SIRT3: variants seen among roughly 807,000 people sequenced by gnomAD.
SIRT3 encodes the protein NAD-dependent protein deacetylase sirtuin-3, mitochondrial.
SIRT3 carries 26 observed loss-of-function variants against 33.5 expected under a neutral mutation model. That is an observed-to-expected ratio of 0.78 (90% confidence interval 0.57 to 1.08). The LOEUF (loss-of-function observed/expected upper bound fraction) is 1.08. Among genes scored for constraint, SIRT3 ranks in the 50% least tolerant of loss-of-function variants. SIRT3 has a pLI of 0.00. For synonymous variants in SIRT3, 237 were observed against 222.1 expected, an observed-to-expected ratio of 1.07 and a Z score of -0.60; for missense variants, 585 against 530.1, an observed-to-expected ratio of 1.10 and a Z score of -1.02.
chr11:235,924 G>T (rs772241007), intron 1 of SIRT3, 124 bp downstream of exon 1: 21 of 1,049,122 alleles, frequency 2.0e-5, no homozygotes, highest in Non-Finnish European at 1.8e-5. Flanking sequence ...AAAGACGGAG[G>T]CCCCGGTGTT....
At chr11:224,562 C>A (rs879856867) in intron 4 of SIRT3, among the ~76,000 whole-genome samples, 2 of 152,204 alleles carry the variant, frequency 1.3e-5, no homozygotes, top group African/African-American at 2.4e-5. Flanking sequence ...GACATCCAGG[C>A]GCTAAGGAAA....
intron 5 of SIRT3, among the ~76,000 whole-genome samples, chr11:221,665 T>TA (rs1856461031): frequency 6.6e-6 from 1 of 152,200 alleles, no homozygotes; most frequent in Non-Finnish European, 1.5e-5. Flanking sequence ...GCACATGAGA[T>TA]AGAGTCTGTG....
chr11:233,600 G>A, intron 1 of SIRT3, 66 bp from the exon 2 acceptor site: 2 of 1,522,488 alleles, frequency 1.3e-6, no homozygotes, highest in Non-Finnish European at 1.8e-6. Context: ...GCAAGAACGA[G>A]CATGGCTCTG....
chr11:216,858 C>T, intron 6 of SIRT3, 140 bp from the exon 7 acceptor site: 2 of 918,908 alleles, frequency 2.2e-6, no homozygotes, highest in Non-Finnish European at 3.5e-6. Flanking sequence ...ACTGCTGCTG[C>T]TGTGCTGGGC....
At chr11:229,157 C>T (rs1857556229) in intron 4 of SIRT3, among the ~76,000 whole-genome samples, 1 of 152,194 alleles carries the variant, frequency 6.6e-6, no homozygotes, top group South Asian at 2.1e-4. Context: ...ATTCGTTCCT[C>T]AAAAAGTTAA....
chr11:230,707 C>G lies in SIRT3; in HGVS notation c.707-155G>C, dbSNP rs917499304. 13 of 414,044 alleles carry G rather than the reference C, an allele frequency of 3.1e-5. No homozygotes were observed. The Admixed American group carries it at 5.7e-4, about 18-fold the overall frequency. The allele number at this position is 414,044 out of a possible 1,614,324, so 25.6% of individuals were successfully genotyped here. On this transcript the variant is annotated intron_variant, in intron 3 of 6. Coordinates refer to ENST00000382743, the MANE Select transcript of SIRT3 (RefSeq NM_012239.6). ...AGCCTGGTTTTCATGCCCGTATCAC[C>G]TACATGCGCCATCAACCAGAATAAG...
At chr11:230,010 G>A (rs1362278060) in intron 4 of SIRT3, among the ~76,000 whole-genome samples, 1 of 152,100 alleles carries the variant, frequency 6.6e-6, no homozygotes, top group Non-Finnish European at 1.5e-5. Context: ...AAGCTACAAG[G>A]CGAAGGAGCG....
chr11:216,673 T>C lies in SIRT3; in HGVS notation c.*25A>G. ...ATGTGGATGTCTCCTATGTTACCAT[T>C]TATTGTGTGGGGGCAGCCATCATCC... On this transcript the variant is annotated 3_prime_UTR_variant, in exon 7 of 7. Transcript: ENST00000382743. The C allele has an allele frequency of 6.2e-7, 1 of 1,613,762 alleles. No individual in the cohort carries two copies. Among genetic ancestry groups the C allele is most frequent in the Non-Finnish European group, 8.5e-7 (1 of 1,179,736 alleles).
chr11:225,355 T>C (rs188997218), intron 4 of SIRT3, among the ~76,000 whole-genome samples: 16 of 152,274 alleles, frequency 1.1e-4, no homozygotes, highest in Non-Finnish European at 1.9e-4. Context: ...GAGGTTGCTG[T>C]GAGCTGAGAT....
At chr11:235,341 G>C (rs1215051261) in intron 1 of SIRT3, among the ~76,000 whole-genome samples, 1 of 152,086 alleles carries the variant, frequency 6.6e-6, no homozygotes, top group African/African-American at 2.4e-5. Flanking sequence ...GAGTAACTGG[G>C]ACAACAGGCT....
rs1233628543 is a variant in SIRT3 at position 220,308 on chromosome 11, G to A, written c.970-1267C>T. The stretch of plus-strand genomic sequence containing the variant: ...TCGCGCCACTGAACCTCCAGCCTGG[G>A]AGACAGAGCAAGACTCTGTCTCAAA... On this transcript the variant is annotated intron_variant, in intron 5 of 6. Transcript: ENST00000382743. 8.8e-5 allele frequency among the ~76,000 whole-genome samples: 12 copies of A among 136,798 alleles called. 1 individual carries two copies. The highest frequency in any genetic ancestry group is 1.5e-4 in the Non-Finnish European group (10 of 65,560). 89.7% of individuals were successfully genotyped at this position (136,798 alleles called of 152,430 possible).
chr11:215,045 A>C lies in SIRT3; in HGVS notation c.*1653T>G, dbSNP rs191155373. ...GCCCCTCGTGTGACCATAGATTGAG[A>C]TTTATACCACATACCACACATAGCC... On this transcript the variant is annotated 3_prime_UTR_variant, in exon 7 of 7. Coordinates refer to ENST00000382743, the MANE Select transcript of SIRT3 (RefSeq NM_012239.6). 110 of 160,428 alleles carry C rather than the reference A, an allele frequency of 6.9e-4. 1 individual carries two copies. The highest frequency in any genetic ancestry group is 1.6e-3 in the Admixed American group (29 of 17,782). 9.9% of individuals were successfully genotyped at this position (160,428 alleles called of 1,614,324 possible). A position where few individuals can be genotyped will look rare whatever the true frequency, so the allele number is the denominator to read the frequency against.
intron 3 of SIRT3, among the ~76,000 whole-genome samples, chr11:230,910 G>A (rs534796576): frequency 2.6e-5 from 4 of 152,352 alleles, no homozygotes; most frequent in South Asian, 4.1e-4. Context: ...GATCATTTGA[G>A]GCTAGGAGTT....
chr11:233,335 G>A lies in SIRT3; in HGVS notation c.473+8C>T, dbSNP rs751680883. 2.5e-6 allele frequency: 4 copies of A among 1,612,330 alleles called. No homozygotes were observed. The highest frequency in any genetic ancestry group is 1.1e-5 in the South Asian group (1 of 90,960). On this transcript the variant is annotated splice_region_variant and intron_variant, in intron 2 of 6. Transcript: ENST00000382743. ...AGCGCAGAAGGCAGGTGGGACTGTG[G>A]GCAGTACCTGAAGTCTGGAATGCCA...
At chr11:235,860 G>C (rs745902533) in intron 1 of SIRT3, among the ~76,000 whole-genome samples, 188 bp downstream of exon 1, 1 of 152,180 alleles carries the variant, frequency 6.6e-6, no homozygotes, top group Non-Finnish European at 1.5e-5. Context: ...TTTCAATGAG[G>C]GAATGGTGAA....
In SIRT3 at chr11:236,080, C is replaced by T; in HGVS notation, c.249G>A (p.Pro83=). 4 of 1,551,010 alleles carry T rather than the reference C, an allele frequency of 2.6e-6. No individual in the cohort carries two copies. The highest frequency in any genetic ancestry group is 2.4e-5 in the East Asian group (1 of 40,840). Residue 83 remains proline, a synonymous_variant, in exon 1 of 7, where the codon CCG becomes CCA. Coordinates refer to ENST00000382743, the MANE Select transcript of SIRT3 (RefSeq NM_012239.6). ...PEVPRAFRRQ[P]RAAAPSFFFS... is the part of the protein sequence containing the mutation. ...AGAAGAAACTGGGAGCTGCTGCCCTCGGCTGCCTCCGGAATGCCCTGGGCA... is the reference window on the plus strand; with the variant it reads ...AGAAGAAACTGGGAGCTGCTGCCCTTGGCTGCCTCCGGAATGCCCTGGGCA...
At chr11:219,239 C>T (rs1281731784) in intron 5 of SIRT3, among the ~76,000 whole-genome samples, 198 bp from the exon 6 acceptor site, 5 of 151,938 alleles carry the variant, frequency 3.3e-5, no homozygotes, top group Admixed American at 6.6e-5. Context: ...TTCTCCCCTC[C>T]GCCTCTCTCT....
intron 4 of SIRT3, among the ~76,000 whole-genome samples, chr11:228,603 A>G (rs750175357): frequency 1.6e-4 from 25 of 152,252 alleles, no homozygotes; most frequent in Non-Finnish European, 2.9e-4. Context: ...AGCGCACACA[A>G]AAATTAACTC....
intron 3 of SIRT3, among the ~76,000 whole-genome samples, chr11:230,927 C>T (rs551133356): frequency 6.6e-6 from 1 of 152,282 alleles, no homozygotes; most frequent in Admixed American, 6.5e-5. Flanking sequence ...AGTTCAAGAC[C>T]GGCCTGGCCA....
Sources: allele counts gnomAD v4.1 joint callset (sites outside exome capture counted in the v4.1 genomes callset), GRCh38; gene constraint gnomAD v4.1.1; transcripts MANE v1.5; gene names NCBI Gene and HGNC (gene_info 2026-07-23, HGNC 2026-07-21).